Variants in CACHD1 observed in about 807,000 individuals in gnomAD.
CACHD1 encodes cache domain containing 1, also known as VWFA and cache domain-containing protein 1.
A neutral mutation model predicts 138.7 loss-of-function variants in CACHD1; 71 were observed. That is an observed-to-expected ratio of 0.51 (90% CI 0.42 to 0.62). The LOEUF (loss-of-function observed/expected upper bound fraction) is 0.62, where lower values mean the gene tolerates loss of function less well. Among genes scored for constraint, CACHD1 ranks in the 20% least tolerant of loss-of-function variants. The pLI is 0.00. For missense variants in CACHD1, 1,389 were observed against 1,625.3 expected, an observed-to-expected ratio of 0.85 and a Z score of 2.50; for synonymous variants, 578 against 591.5, an observed-to-expected ratio of 0.98 and a Z score of 0.33.
chr1:64,618,596 A>G (rs1042139555), intron 4 of CACHD1, among the ~76,000 whole-genome samples: 4 of 152,194 alleles, frequency 2.6e-5, no homozygotes, highest in African/African-American at 9.7e-5. Flanking sequence ...GCCCCTGCAG[A>G]ATAGTATATG....
chr1:64,513,256 C>T (rs1646435448), intron 1 of CACHD1, among the ~76,000 whole-genome samples: 1 of 152,122 alleles, frequency 6.6e-6, no homozygotes, highest in South Asian at 2.1e-4. Context: ...TGGCCTCTAC[C>T]CATTAGACAC....
chr1:64,566,488 C>CCCCCCCT, intron 2 of CACHD1, among the ~76,000 whole-genome samples: 1 of 144,688 alleles, frequency 6.9e-6, no homozygotes, highest in African/African-American at 2.4e-5. Context: ...TTCCCCCCCC[C>CCCCCCCT]CCACAAGGTA....
intron 1 of CACHD1, among the ~76,000 whole-genome samples, chr1:64,534,888 A>T (rs1470916520): frequency 2.6e-5 from 4 of 152,250 alleles, no homozygotes; most frequent in African/African-American, 4.8e-5. Flanking sequence ...TGCCCTTGGG[A>T]AGCCTAGAGT....
intron 12 of CACHD1, among the ~76,000 whole-genome samples, chr1:64,658,322 T>C (rs915549836): frequency 2.0e-5 from 3 of 152,246 alleles, no homozygotes; most frequent in South Asian, 2.1e-4. Context: ...AAACCAATTA[T>C]GTATTTTTAA....
intron 1 of CACHD1, among the ~76,000 whole-genome samples, chr1:64,545,575 C>T (rs762454079): frequency 1.6e-4 from 24 of 152,282 alleles, no homozygotes; most frequent in Non-Finnish European, 2.4e-4. Flanking sequence ...TTCTGTTATG[C>T]GAATTCACCA....
Position 64,612,507 on chromosome 1 carries a change from A to G in CACHD1, c.517+9595A>G, listed in dbSNP as rs1441434153. On this transcript the variant is annotated intron_variant, in intron 4 of 26. Transcript: ENST00000651257. ...AGTATGTAAGGAAAATACCTAGGTC[A>G]TTGAAGGATAAGTCTAGGTAGTAGT... 5.3e-5 allele frequency among the ~76,000 whole-genome samples: 8 copies of G among 152,314 alleles called. No homozygotes were observed. In the East Asian group the frequency reaches 1.2e-3, roughly 22 times the overall value.
chr1:64,642,970 C>G (rs7523429), intron 8 of CACHD1, among the ~76,000 whole-genome samples: 144,751 of 147,458 alleles, frequency 0.98, 71,120 homozygotes, highest in East Asian at 1. Flanking sequence ...ACCCAGGAGG[C>G]AGAGGTTGCA....
chr1:64,554,728 G>A (rs950506973), intron 2 of CACHD1, among the ~76,000 whole-genome samples: 1 of 152,138 alleles, frequency 6.6e-6, no homozygotes, highest in African/African-American at 2.4e-5. Context: ...TAAAAATGCT[G>A]TATATGTTCT....
intron 13 of CACHD1, among the ~76,000 whole-genome samples, chr1:64,659,841 G>A (rs1489733505): frequency 1.3e-5 from 2 of 152,188 alleles, no homozygotes; most frequent in African/African-American, 4.8e-5. Flanking sequence ...GGAACAGATG[G>A]GAATAAAATC....
At chr1:64,600,529 G>A (rs1032305882) in intron 3 of CACHD1, among the ~76,000 whole-genome samples, 16 of 152,148 alleles carry the variant, frequency 1.1e-4, no homozygotes, top group Non-Finnish European at 1.8e-4. Context: ...CCCAGAACAG[G>A]AGTAGGTACC....
At chr1:64,688,513 G>T in intron 26 of CACHD1, among the ~76,000 whole-genome samples, 1 of 152,068 alleles carries the variant, frequency 6.6e-6, no homozygotes, top group East Asian at 1.9e-4. Context: ...AAGTCCATTT[G>T]GTCACCAAAT....
At chr1:64,611,835 A>G (rs574700089) in intron 4 of CACHD1, among the ~76,000 whole-genome samples, 2 of 152,186 alleles carry the variant, frequency 1.3e-5, no homozygotes, top group Non-Finnish European at 2.9e-5. Flanking sequence ...TCGCTACCTC[A>G]TTGCCAATTT....
intron 1 of CACHD1, among the ~76,000 whole-genome samples, chr1:64,511,376 T>C (rs1646419521): frequency 6.6e-6 from 1 of 152,166 alleles, no homozygotes; most frequent in Admixed American, 6.6e-5. Context: ...CTTTCCATTA[T>C]AGCATGCTAG....
intron 1 of CACHD1, among the ~76,000 whole-genome samples, chr1:64,532,859 CGAG>C (rs1221708136): frequency 2.7e-4 from 41 of 151,892 alleles, no homozygotes; most frequent in Admixed American, 2.3e-3. Flanking sequence ...AAGCTTGTAA[CGAG>C]GAGGAGGAGG....
chr1:64,591,147 T>C (rs1278027948), intron 3 of CACHD1, among the ~76,000 whole-genome samples: 1 of 152,166 alleles, frequency 6.6e-6, no homozygotes, highest in Non-Finnish European at 1.5e-5. Flanking sequence ...AGTGACCTTA[T>C]GGGGGGATAA....
At chr1:64,590,590 T>C (rs546695834) in intron 3 of CACHD1, among the ~76,000 whole-genome samples, 1 of 152,308 alleles carries the variant, frequency 6.6e-6, no homozygotes, top group East Asian at 1.9e-4. Context: ...TGTACTTAGC[T>C]CTTTAGGAAT....
At chr1:64,574,592 C>T (rs1646953059) in intron 2 of CACHD1, among the ~76,000 whole-genome samples, 1 of 152,040 alleles carries the variant, frequency 6.6e-6, no homozygotes, top group Admixed American at 6.6e-5. Context: ...CCATTTGTAC[C>T]CAGCCATTGT....
At chr1:64,641,537 C>T (rs1186285510) in intron 7 of CACHD1, among the ~76,000 whole-genome samples, 1 of 152,106 alleles carries the variant, frequency 6.6e-6, no homozygotes, top group African/African-American at 2.4e-5. Flanking sequence ...ATTACTATAA[C>T]CATTGGTGCC....
chr1:64,690,930 A>G (rs1286639786), intron 26 of CACHD1, among the ~76,000 whole-genome samples: 1 of 152,190 alleles, frequency 6.6e-6, no homozygotes, highest in Non-Finnish European at 1.5e-5. Context: ...AATAAAAAAG[A>G]TTATCTTTAT....
Sources: allele counts gnomAD v4.1 joint callset (sites outside exome capture counted in the v4.1 genomes callset), GRCh38; gene constraint gnomAD v4.1.1; transcripts MANE v1.5; gene names NCBI Gene and HGNC (gene_info 2026-07-23, HGNC 2026-07-21).